The following MSH4 variants were observed in gnomAD, a reference collection of about 807,000 sequenced individuals.
The protein encoded by MSH4 is mutS protein homolog 4.
MSH4 carries 106 observed loss-of-function variants against 113.7 expected under a neutral mutation model. That is an observed-to-expected ratio of 0.93 (90% confidence interval 0.80 to 1.10). The LOEUF (loss-of-function observed/expected upper bound fraction) is 1.10, where lower values mean the gene tolerates loss of function less well. Among genes scored for constraint, MSH4 ranks in the 50% least tolerant of loss-of-function variants. MSH4 has a pLI of 0.00. For missense variants in MSH4, 1,061 were observed against 1,093.7 expected, an observed-to-expected ratio of 0.97 and a Z score of 0.42; for synonymous variants, 368 against 380.2, an observed-to-expected ratio of 0.97 and a Z score of 0.37.
intron 8 of MSH4, among the ~76,000 whole-genome samples, chr1:75,849,709 T>C (rs989726922): frequency 6.6e-6 from 1 of 152,200 alleles, no homozygotes; most frequent in Non-Finnish European, 1.5e-5. Context: ...TAAAATAAGT[T>C]TGGAAGTAGC....
intron 3 of MSH4, among the ~76,000 whole-genome samples, chr1:75,810,241 C>CTGCT (rs2100509370): frequency 6.7e-6 from 1 of 150,366 alleles, no homozygotes; most frequent in South Asian, 2.1e-4. Flanking sequence ...GTTTGTTTGT[C>CTGCT]TGTTTTTGAG....
intron 7 of MSH4, among the ~76,000 whole-genome samples, chr1:75,842,174 C>G (rs1650972632): frequency 6.6e-6 from 1 of 152,158 alleles, no homozygotes; most frequent in Middle Eastern, 3.2e-3. Context: ...TAAACATTTT[C>G]TAGTTGACAA....
chr1:75,809,002 C>T (rs915682177), intron 3 of MSH4, among the ~76,000 whole-genome samples: 4 of 152,104 alleles, frequency 2.6e-5, no homozygotes, highest in Admixed American at 2.6e-4. Flanking sequence ...TGACTCACTG[C>T]AGCCTCCCAC....
chr1:75,893,744 T>C lies in MSH4; in HGVS notation c.2355+2920T>C, dbSNP rs181873593. ...TATACAGACAGAAATCCATGGAACA[T>C]GCATGGGAATGTATTCTAAGGGTGT... On this transcript the variant is annotated intron_variant, in intron 17 of 19. Transcript: ENST00000263187. Among the ~76,000 whole-genome samples, 10 of 152,274 alleles carry C rather than the reference T, an allele frequency of 6.6e-5. No individual in the cohort carries two copies. In the East Asian group the frequency reaches 1.7e-3, roughly 26 times the overall value.
At chr1:75,825,722 C>T (rs1173745971) in intron 7 of MSH4, among the ~76,000 whole-genome samples, 1 of 152,080 alleles carries the variant, frequency 6.6e-6, no homozygotes. Flanking sequence ...TTGAGATAAT[C>T]ATGTGGTTTT....
At chr1:75,877,784 C>T (rs1275664976) in intron 10 of MSH4, among the ~76,000 whole-genome samples, 1 of 152,194 alleles carries the variant, frequency 6.6e-6, no homozygotes, top group Non-Finnish European at 1.5e-5. Flanking sequence ...GTGCTTGATA[C>T]ATGGTGTACA....
Position 75,858,429 on chromosome 1 carries a change from A to G in MSH4, c.1231-9085A>G, listed in dbSNP as rs540197228. 3.3e-5 allele frequency among the ~76,000 whole-genome samples: 5 copies of G among 152,326 alleles called. No homozygotes were observed. The East Asian group carries it at 9.7e-4, about 29-fold the overall frequency. On this transcript the variant is annotated intron_variant, in intron 8 of 19. Coordinates refer to ENST00000263187, the MANE Select transcript of MSH4 (RefSeq NM_002440.4). ...GTCATTAATAGCTCTTATTATGTTG[A>G]GATACATTCCATTGATACCCACTTT...
At chr1:75,881,661 G>A (rs1324775528) in intron 14 of MSH4, among the ~76,000 whole-genome samples, 2 of 151,942 alleles carry the variant, frequency 1.3e-5, no homozygotes, top group Non-Finnish European at 2.9e-5. Context: ...AAAAATGACA[G>A]TGATCTAAAT....
intron 9 of MSH4, 90 bp downstream of exon 9, chr1:75,867,678 A>G (rs1651617550): frequency 3.8e-6 from 3 of 790,538 alleles, no homozygotes; most frequent in Middle Eastern, 2.9e-4. Context: ...GAAAATTGCA[A>G]GAATAACATG....
intron 8 of MSH4, among the ~76,000 whole-genome samples, chr1:75,862,272 C>T (rs1484426607): frequency 2.6e-5 from 4 of 152,192 alleles, no homozygotes; most frequent in African/African-American, 7.2e-5. Context: ...TGTTTCGGCT[C>T]ACCCTCCGTG....
intron 8 of MSH4, among the ~76,000 whole-genome samples, chr1:75,855,683 C>A (rs1476140752): frequency 6.6e-6 from 1 of 152,060 alleles, no homozygotes; most frequent in Non-Finnish European, 1.5e-5. Context: ...ACATGGCTGT[C>A]TTTGTATGAC....
At chr1:75,880,207 A>C in intron 13 of MSH4, 54 bp downstream of exon 13, 2 of 932,602 alleles carry the variant, frequency 2.1e-6, no homozygotes, top group Non-Finnish European at 3.3e-6. Context: ...AATTTGAGAA[A>C]CTGTTACAAT....
chr1:75,824,400 A>G (rs1650498358), intron 7 of MSH4, among the ~76,000 whole-genome samples: 2 of 151,908 alleles, frequency 1.3e-5, no homozygotes, highest in African/African-American at 4.8e-5. Flanking sequence ...AGATTGTAAA[A>G]ATTTTCTCCC....
chr1:75,840,297 A>C (rs1650926053), intron 7 of MSH4, among the ~76,000 whole-genome samples: 1 of 142,890 alleles, frequency 7.0e-6, no homozygotes, highest in African/African-American at 2.6e-5. Context: ...AGACTGGATT[A>C]AGAAAATGTG....
chr1:75,875,231 G>C (rs1651793865), intron 9 of MSH4, among the ~76,000 whole-genome samples: 1 of 152,122 alleles, frequency 6.6e-6, no homozygotes, highest in Non-Finnish European at 1.5e-5. Context: ...GGCCCCAGCT[G>C]TTCATTAATC....
chr1:75,902,794 C>T (rs1652539611), intron 19 of MSH4, among the ~76,000 whole-genome samples: 1 of 132,772 alleles, frequency 7.5e-6, no homozygotes, highest in South Asian at 2.4e-4. Context: ...TTCCCACCAC[C>T]TGTTGGCTAT....
At chr1:75,814,223 T>G (rs1144338) in intron 4 of MSH4, among the ~76,000 whole-genome samples, 1 of 149,132 alleles carries the variant, frequency 6.7e-6, no homozygotes, top group Non-Finnish European at 1.5e-5. Flanking sequence ...GAGGCCAATG[T>G]GGGAGAATCA....
At chr1:75,819,506 A>AATAT (rs1257815465) in intron 6 of MSH4, among the ~76,000 whole-genome samples, 1 of 152,210 alleles carries the variant, frequency 6.6e-6, no homozygotes, top group African/African-American at 2.4e-5. Flanking sequence ...TAAATAAATA[A>AATAT]AAAGTTATTG....
chr1:75,812,698 GAAC>G (rs1159623553), intron 4 of MSH4, among the ~76,000 whole-genome samples: 1 of 151,940 alleles, frequency 6.6e-6, no homozygotes, highest in Non-Finnish European at 1.5e-5. Flanking sequence ...CATCTCAAAA[GAAC>G]AACAACAAAA....
Sources: gnomAD v4.1 joint callset for allele counts (sites outside exome capture counted in the v4.1 genomes callset) on GRCh38, gnomAD v4.1.1 for gene constraint, MANE v1.5 for transcripts, NCBI Gene and HGNC (gene_info 2026-07-23, HGNC 2026-07-21) for gene names.